Variants in DMD observed in about 807,000 individuals in gnomAD.
DMD encodes dystrophin, also known as mutant dystrophin.
A neutral mutation model predicts 330.1 loss-of-function variants in DMD; 63 were observed. That is an observed-to-expected ratio of 0.19 (90% CI 0.16 to 0.24). The LOEUF (loss-of-function observed/expected upper bound fraction) is 0.24, where lower values mean the gene tolerates loss of function less well. Ranked by LOEUF, DMD falls within the 10% of genes least tolerant of loss-of-function variation. The pLI is 1.00. For synonymous variants in DMD, 1,223 were observed against 959.8 expected (o/e 1.27, Z -5.07); for missense variants, 3,344 against 2,684.1 (o/e 1.25, Z -5.43).
At chrX:31,902,639 G>A (rs1413789861) in intron 47 of DMD, among the ~76,000 whole-genome samples, 1 of 111,709 alleles carries the variant, frequency 9.0e-6, no homozygotes, top group African/African-American at 3.2e-5. Flanking sequence ...ACTAATAAAT[G>A]TATTGCTGCA....
intron 1 of DMD, among the ~76,000 whole-genome samples, chrX:33,333,707 T>C (rs1006407731): frequency 9.0e-5 from 10 of 111,162 alleles, no homozygotes; most frequent in African/African-American, 3.3e-4. Context: ...GTTTCTCCTA[T>C]GACATGAAAA....
In DMD at chrX:33,013,822, T is replaced by A. The variant is rs191034337; in HGVS notation, c.93+6317A>T. The stretch of plus-strand genomic sequence containing the variant: ...TTTACTGGGTGTGTGTATATGTATG[T>A]GTGTGTGTGTGTGCGCGCACGCGCG... On this transcript the variant is annotated intron_variant, in intron 2 of 78. Transcript: ENST00000357033. Among the ~76,000 whole-genome samples, 60 of 111,364 alleles carry A rather than the reference T, an allele frequency of 5.4e-4. No individual in the cohort carries two copies. In the East Asian group the frequency reaches 0.013, roughly 25 times the overall value.
At chrX:32,167,228 T>C (rs751805343) in intron 44 of DMD, among the ~76,000 whole-genome samples, 16 of 112,615 alleles carry the variant, frequency 1.4e-4, no homozygotes, top group African/African-American at 5.2e-4. Context: ...TGAAGTATAG[T>C]GTAAATAATG....
chrX:31,316,236 G>A (rs919076102), intron 62 of DMD, among the ~76,000 whole-genome samples: 3 of 112,327 alleles, frequency 2.7e-5, no homozygotes, highest in Admixed American at 9.4e-5. Context: ...TAGAGGGCAT[G>A]AGAGATGGAT....
chrX:32,368,455 GAAGGTATGA>G (rs1436819866), intron 34 of DMD, among the ~76,000 whole-genome samples: 1 of 111,671 alleles, frequency 9.0e-6, no homozygotes, highest in East Asian at 2.8e-4. Context: ...GAAGCAACGA[GAAGGTATGA>G]AAGTTAGAAT....
chrX:32,814,583 GTGAAGAACCTCT>G (rs2077587618), intron 6 of DMD, among the ~76,000 whole-genome samples: 1 of 111,797 alleles, frequency 8.9e-6, no homozygotes, highest in Admixed American at 9.5e-5. Context: ...TTAAACAACT[GTGAAGAACCTCT>G]TGAAAAGTAA....
At chrX:32,437,562 G>A (rs1017977177) in intron 29 of DMD, among the ~76,000 whole-genome samples, 6 of 111,734 alleles carry the variant, frequency 5.4e-5, no homozygotes, top group African/African-American at 2.0e-4. Flanking sequence ...ACTAACCAAT[G>A]TTTTTAAGTT....
At chrX:32,528,988 C>T (rs1193207414) in intron 17 of DMD, among the ~76,000 whole-genome samples, 1 of 101,150 alleles carries the variant, frequency 9.9e-6, no homozygotes, top group Admixed American at 1.1e-4. Flanking sequence ...GTGACACAAT[C>T]TTGGCTCACT....
At chrX:32,726,148 T>C (rs2066856185) in intron 7 of DMD, among the ~76,000 whole-genome samples, 2 of 111,350 alleles carry the variant, frequency 1.8e-5, no homozygotes, top group Non-Finnish European at 3.8e-5. Context: ...ATGGAGGCAA[T>C]GACACTACTA....
intron 29 of DMD, among the ~76,000 whole-genome samples, chrX:32,426,634 T>C (rs1465011899): frequency 9.0e-6 from 1 of 111,446 alleles, no homozygotes; most frequent in Non-Finnish European, 1.9e-5. Context: ...ATACAAATTG[T>C]TCTACCACAA....
intron 59 of DMD, among the ~76,000 whole-genome samples, chrX:31,459,238 T>G (rs183192463): frequency 1.3e-4 from 14 of 111,937 alleles, no homozygotes; most frequent in Admixed American, 3.8e-4. Context: ...GTTAAATGGG[T>G]ATTATTTAAT....
rs1169678184 is a variant in DMD at position 32,883,823 on chromosome X, C to CCAAAAAAAAAAAAAA, written c.94-34004_94-34003insTTTTTTTTTTTTTTG. ...TGGGTGACAGAGCAAGACTCTGTTT[C>CCAAAAAAAAAAAAAA]AAAAAAAAAAAAAAAAAAAAAAAAA... is the stretch of plus-strand genomic sequence containing the variant. On this transcript the variant is annotated intron_variant, in intron 2 of 78. Coordinates refer to ENST00000357033, the MANE Select transcript of DMD (RefSeq NM_004006.3). Among the ~76,000 whole-genome samples, 11 of 30,352 alleles carry CCAAAAAAAAAAAAAA rather than the reference C, an allele frequency of 3.6e-4. 1 individual carries two copies. The highest frequency in any genetic ancestry group is 1.4e-3 in the African/African-American group (10 of 6,957). 26.4% of individuals were successfully genotyped at this position (30,352 alleles called of 115,157 possible). A position where few individuals can be genotyped will look rare whatever the true frequency, so the allele number is the denominator to read the frequency against.
chrX:32,431,909 G>A (rs73619084), intron 29 of DMD, among the ~76,000 whole-genome samples: 23,142 of 110,159 alleles, frequency 0.21, 2,442 homozygotes, highest in African/African-American at 0.41. Context: ...ATGAGCTCAA[G>A]TTCCCCTGAG....
Position 32,400,279 on chromosome X carries a change from G to A in DMD, c.4234-10098C>T, listed in dbSNP as rs777737652. Among the ~76,000 whole-genome samples, 7 of 111,518 alleles carry A rather than the reference G, an allele frequency of 6.3e-5. No individual in the cohort carries two copies. The South Asian group carries it at 2.6e-3, about 42-fold the overall frequency. On this transcript the variant is annotated intron_variant, in intron 30 of 78. Transcript: ENST00000357033. The stretch of plus-strand genomic sequence containing the variant: ...TTACATTTATTGATTTGCATATATT[G>A]AACCAGCCTTGCATCCCAAGGATGA...
intron 44 of DMD, among the ~76,000 whole-genome samples, chrX:32,009,921 G>A (rs1264080595): frequency 8.9e-6 from 1 of 111,952 alleles, no homozygotes; most frequent in Non-Finnish European, 1.9e-5. Flanking sequence ...TAGCAGAAAC[G>A]AGTCCCTGGA....
chrX:31,728,705 T>C (rs1012416432), intron 52 of DMD, among the ~76,000 whole-genome samples: 5 of 110,897 alleles, frequency 4.5e-5, no homozygotes, highest in African/African-American at 1.7e-4. Flanking sequence ...AGACAAAAGA[T>C]TTCAAAGAGA....
chrX:31,246,798 C>T (rs1334990805), intron 63 of DMD, among the ~76,000 whole-genome samples: 4 of 110,715 alleles, frequency 3.6e-5, no homozygotes, highest in South Asian at 3.9e-4. Context: ...TGGTGGCAGA[C>T]GCCTGTAATC....
intron 7 of DMD, among the ~76,000 whole-genome samples, chrX:32,787,951 C>T (rs900544626): frequency 2.7e-5 from 3 of 111,425 alleles, no homozygotes; most frequent in Non-Finnish European, 3.8e-5. Context: ...GCTCATATTA[C>T]GGGCCAAATA....
At chrX:32,637,633 G>A (rs185271788) in intron 11 of DMD, among the ~76,000 whole-genome samples, 22 of 111,842 alleles carry the variant, frequency 2.0e-4, no homozygotes, top group African/African-American at 7.2e-4. Context: ...TTGACTCACA[G>A]TTCGGCATGG....
Sources: gnomAD v4.1 joint callset for allele counts (sites outside exome capture counted in the v4.1 genomes callset) on GRCh38, gnomAD v4.1.1 for gene constraint, MANE v1.5 for transcripts, NCBI Gene and HGNC (gene_info 2026-07-23, HGNC 2026-07-21) for gene names.